CCDC171: variants seen among roughly 807,000 people sequenced by gnomAD.
The protein encoded by CCDC171 is coiled-coil domain-containing protein 171.
Under a neutral mutation model 168.2 loss-of-function variants are expected in CCDC171, and 177 were observed. The ratio of observed to expected loss-of-function variants is 1.05; its 90% CI spans 0.93 to 1.19. The LOEUF (loss-of-function observed/expected upper bound fraction) is 1.19. Among genes scored for constraint, CCDC171 ranks in the 50% most tolerant of loss-of-function variants. The pLI, the probability that CCDC171 is intolerant of heterozygous loss-of-function variation, is 0.00. For synonymous variants in CCDC171, 687 were observed against 540.8 expected (o/e 1.27, Z -3.75); for missense variants, 1,991 against 1,539.0 (o/e 1.29, Z -4.91).
intron 18 of CCDC171, among the ~76,000 whole-genome samples, chr9:15,774,521 T>G (rs1191354731): frequency 6.6e-6 from 1 of 152,164 alleles, no homozygotes; most frequent in Non-Finnish European, 1.5e-5. Context: ...TGTAAACTAG[T>G]ACAACCACTA....
intron 6 of CCDC171, among the ~76,000 whole-genome samples, chr9:16,023,157 G>A (rs373148993): frequency 1.6e-4 from 24 of 151,744 alleles, no homozygotes; most frequent in Non-Finnish European, 2.5e-4. Context: ...GCAGTGGCGC[G>A]ATCGGGTTCA....
intron 11 of CCDC171, among the ~76,000 whole-genome samples, chr9:15,719,784 T>A (rs1268487118): frequency 1.3e-5 from 2 of 152,212 alleles, no homozygotes; most frequent in Non-Finnish European, 2.9e-5. Flanking sequence ...TTTTCTCCCT[T>A]ATTGTAAAAA....
Position 15,784,696 on chromosome 9 carries a change from T to A in CCDC171, c.3267+2T>A, listed in dbSNP as rs145876338. On this transcript the variant is annotated splice_donor_variant, in intron 21 of 25. Transcript: ENST00000380701. LOFTEE classifies it high-confidence loss of function. ...CAAACTCTTGGAGAAGCTGTTAAGG[T>A]AAGAGAATAAAGGGATATTTGCATA... is the stretch of plus-strand genomic sequence containing the variant. The A allele has an allele frequency of 1.4e-4, 224 of 1,607,370 alleles. 1 individual carries two copies. The highest frequency in any genetic ancestry group is 1.8e-4 in the Non-Finnish European group (217 of 1,175,246).
chr9:15,670,400 T>C (rs573871404), intron 9 of CCDC171, among the ~76,000 whole-genome samples: 1 of 152,310 alleles, frequency 6.6e-6, no homozygotes, highest in South Asian at 2.1e-4. Context: ...AATAAAATGG[T>C]ACTGTTAGGC....
At chr9:15,663,299 TC>T (rs971535396) in intron 8 of CCDC171, among the ~76,000 whole-genome samples, 12 of 152,276 alleles carry the variant, frequency 7.9e-5, no homozygotes, top group African/African-American at 2.9e-4. Flanking sequence ...TTTTTTTCTA[TC>T]CCCACCCCGT....
intron 2 of CCDC171, 46 bp from the exon 3 acceptor site, chr9:15,571,578 T>G (rs1346167808): frequency 1.4e-6 from 2 of 1,418,856 alleles, no homozygotes; most frequent in East Asian, 5.1e-5. Context: ...CTCTGAAATG[T>G]GCTTTATGAG....
rs147100642 is a variant in CCDC171, at chr9:15,657,215, T to C, written c.911T>C (p.Ile304Thr). Residue 304 changes from isoleucine (I) to threonine (T), a missense_variant, in exon 8 of 26, where the codon ATT (isoleucine) becomes ACT (threonine). By Grantham distance (89) the Ile-to-Thr change is moderately conservative (BLOSUM62 -1). Coordinates refer to ENST00000380701, the MANE Select transcript of CCDC171 (RefSeq NM_173550.4). ...HLESKFNSEI[I>T]QLRIRDLEGA... is the part of the protein sequence containing the mutation. ...GAATCAAAATTTAATTCTGAAATTA[T>C]TCAGGTAAAATGTAAACAAATATTT... 188 of 1,595,350 alleles carry C rather than the reference T, an allele frequency of 1.2e-4. No individual in the cohort carries two copies. The African/African-American group carries it at 2.4e-3, about 20-fold the overall frequency.
At chr9:15,977,145 CT>C (rs1483828411), downstream of CCDC171, among the ~76,000 whole-genome samples, 3 of 152,108 alleles carry the variant, frequency 2.0e-5, no homozygotes, top group Admixed American at 2.0e-4. Context: ...ACTTTTCTGG[CT>C]GTAGAATGTG....
intron 21 of CCDC171, among the ~76,000 whole-genome samples, chr9:15,835,447 G>A (rs2060401851): frequency 6.6e-6 from 1 of 152,228 alleles, no homozygotes; most frequent in Admixed American, 6.5e-5. Flanking sequence ...TCTCTTTTGA[G>A]TTGGAGTTTC....
intron 18 of CCDC171, among the ~76,000 whole-genome samples, chr9:15,761,444 A>G (rs2056439691): frequency 6.6e-6 from 1 of 152,094 alleles, no homozygotes; most frequent in African/African-American, 2.4e-5. Flanking sequence ...TATAAAAAGA[A>G]TCTTGCTACT....
At chr9:15,883,574 T>C (rs1464673144) in intron 24 of CCDC171, among the ~76,000 whole-genome samples, 2 of 152,226 alleles carry the variant, frequency 1.3e-5, no homozygotes, top group Non-Finnish European at 1.5e-5. Context: ...TTTCTTGTTT[T>C]TTCTTGTTGA....
At chr9:15,934,616 G>T (rs1361054005) in intron 25 of CCDC171, among the ~76,000 whole-genome samples, 1 of 151,826 alleles carries the variant, frequency 6.6e-6, no homozygotes, top group Admixed American at 6.6e-5. Flanking sequence ...GTTAAACTTG[G>T]AGTTACCATA....
chr9:15,830,172 A>G (rs1221248196), intron 21 of CCDC171, among the ~76,000 whole-genome samples: 2 of 152,194 alleles, frequency 1.3e-5, no homozygotes, highest in African/African-American at 4.8e-5. Context: ...TAAGGCATCA[A>G]TGGAATATTT....
At chr9:15,961,276 A>G (rs1589256147) in intron 25 of CCDC171, among the ~76,000 whole-genome samples, 1 of 152,132 alleles carries the variant, frequency 6.6e-6, no homozygotes, top group Non-Finnish European at 1.5e-5. Flanking sequence ...ACATTAAATA[A>G]AAAAGGTTTA....
At chr9:15,784,334 A>G (rs570601438) in intron 20 of CCDC171, among the ~76,000 whole-genome samples, 175 bp from the exon 21 acceptor site, 1 of 152,326 alleles carries the variant, frequency 6.6e-6, no homozygotes, top group South Asian at 2.1e-4. Context: ...TTTGCTTTAA[A>G]AATCACAGTA....
chr9:15,913,636 C>T (rs1274436693), intron 24 of CCDC171, among the ~76,000 whole-genome samples: 1 of 152,048 alleles, frequency 6.6e-6, no homozygotes, highest in African/African-American at 2.4e-5. Flanking sequence ...TTCTGAAGCC[C>T]AATTCTGTCC....
intron 24 of CCDC171, among the ~76,000 whole-genome samples, chr9:15,910,155 T>G (rs1355789316): frequency 3.7e-5 from 5 of 135,016 alleles, no homozygotes; most frequent in Admixed American, 8.2e-5. Context: ...CTGTGTTGTA[T>G]TCCATGGTAT....
chr9:15,828,354 G>C (rs183078630), intron 21 of CCDC171, among the ~76,000 whole-genome samples: 2 of 150,760 alleles, frequency 1.3e-5, no homozygotes, highest in East Asian at 3.9e-4. Context: ...ACAGGACTTA[G>C]AAAAGTGATA....
At chr9:15,558,486 A>T (rs1441115437) in intron 1 of CCDC171, among the ~76,000 whole-genome samples, 1 of 152,180 alleles carries the variant, frequency 6.6e-6, no homozygotes, top group African/African-American at 2.4e-5. Context: ...CCAGGAATTT[A>T]TCCATTTCCT....
Sources: allele counts gnomAD v4.1 joint callset (sites outside exome capture counted in the v4.1 genomes callset), GRCh38; gene constraint gnomAD v4.1.1; transcripts MANE v1.5; gene names NCBI Gene and HGNC (gene_info 2026-07-23, HGNC 2026-07-21).